Variants in TRIM44 observed in about 807,000 individuals in gnomAD.
The protein encoded by TRIM44 is tripartite motif containing 44.
TRIM44 carries 13 observed loss-of-function variants against 37.4 expected under a neutral mutation model. That is an observed-to-expected ratio of 0.35 (90% confidence interval 0.23 to 0.55). The LOEUF (loss-of-function observed/expected upper bound fraction) is 0.55, where lower values mean the gene tolerates loss of function less well. TRIM44 is among the 20% of genes least tolerant of loss of function. TRIM44 has a pLI of 0.89. For synonymous variants in TRIM44, 175 were observed against 157.2 expected, an observed-to-expected ratio of 1.11 and a Z score of -0.85; for missense variants, 426 against 437.2, an observed-to-expected ratio of 0.97 and a Z score of 0.23.
At chr11:35,691,602 A>G (rs1851636644) in intron 2 of TRIM44, among the ~76,000 whole-genome samples, 1 of 152,198 alleles carries the variant, frequency 6.6e-6, no homozygotes, top group Non-Finnish European at 1.5e-5. Context: ...CTATTTCATA[A>G]TAAAGTGTTG....
intron 4 of TRIM44, among the ~76,000 whole-genome samples, chr11:35,791,454 C>T (rs1042473210): frequency 1.3e-5 from 2 of 151,950 alleles, no homozygotes; most frequent in African/African-American, 2.4e-5. Flanking sequence ...CCCTTCTCAC[C>T]TCCTGTTCTT....
intron 2 of TRIM44, among the ~76,000 whole-genome samples, chr11:35,720,850 T>C (rs1218058905): frequency 3.3e-5 from 5 of 152,112 alleles, no homozygotes. Context: ...ATTTTTCAAA[T>C]GTTGAACCAG....
intron 2 of TRIM44, among the ~76,000 whole-genome samples, chr11:35,695,078 G>T (rs1050185937): frequency 2.6e-5 from 4 of 152,076 alleles, no homozygotes; most frequent in African/African-American, 9.7e-5. Context: ...CTGAAGCTTT[G>T]ATTGTTTTCC....
At chr11:35,786,927 G>A (rs1204436854) in intron 4 of TRIM44, among the ~76,000 whole-genome samples, 3 of 152,076 alleles carry the variant, frequency 2.0e-5, no homozygotes, top group African/African-American at 7.2e-5. Flanking sequence ...CAAGGTAGGA[G>A]GTGGGCTGAC....
intron 3 of TRIM44, among the ~76,000 whole-genome samples, chr11:35,734,518 C>T (rs1456950361): frequency 6.6e-6 from 1 of 152,100 alleles, no homozygotes; most frequent in Non-Finnish European, 1.5e-5. Context: ...ATTCATTCTC[C>T]GAGGAGTACA....
At chr11:35,763,939 T>C (rs1565008721) in intron 4 of TRIM44, among the ~76,000 whole-genome samples, 1 of 152,194 alleles carries the variant, frequency 6.6e-6, no homozygotes, top group Non-Finnish European at 1.5e-5. Context: ...GGCATCTTTA[T>C]ATGCTTCCAT....
chr11:35,670,363 A>G (rs1851380114), intron 1 of TRIM44, among the ~76,000 whole-genome samples: 1 of 152,210 alleles, frequency 6.6e-6, no homozygotes, highest in Non-Finnish European at 1.5e-5. Context: ...CTGTACCACG[A>G]TTCTATCCAG....
chr11:35,689,740 T>C (rs1417303044), intron 2 of TRIM44, among the ~76,000 whole-genome samples: 4 of 152,222 alleles, frequency 2.6e-5, no homozygotes, highest in Admixed American at 1.3e-4. Flanking sequence ...CAGTTATCTT[T>C]CACAGTTTAC....
chr11:35,734,845 C>T (rs543922602), intron 3 of TRIM44, among the ~76,000 whole-genome samples: 60 of 152,314 alleles, frequency 3.9e-4, no homozygotes, highest in African/African-American at 1.3e-3. Context: ...TAACCACTTA[C>T]GGAGGAGAAG....
intron 4 of TRIM44, among the ~76,000 whole-genome samples, chr11:35,739,200 A>G (rs1424225730): frequency 1.3e-5 from 2 of 152,332 alleles, no homozygotes; most frequent in Middle Eastern, 3.4e-3. Flanking sequence ...CATTATGTCC[A>G]AAGTGCTTTA....
intron 4 of TRIM44, among the ~76,000 whole-genome samples, chr11:35,735,715 A>G (rs548947828): frequency 7.6e-4 from 115 of 152,270 alleles, no homozygotes; most frequent in African/African-American, 2.6e-3. Context: ...ACTACATTTA[A>G]ATGGTAATGT....
intron 4 of TRIM44, among the ~76,000 whole-genome samples, chr11:35,761,126 C>T (rs1429964070): frequency 6.6e-6 from 1 of 152,142 alleles, no homozygotes. Flanking sequence ...GGCAGGATTT[C>T]CCTTTTTTTA....
At chr11:35,790,499 G>T (rs545584723) in intron 4 of TRIM44, among the ~76,000 whole-genome samples, 1 of 152,308 alleles carries the variant, frequency 6.6e-6, no homozygotes, top group South Asian at 2.1e-4. Context: ...ACATATAAAG[G>T]ATGGAAAGCT....
intron 2 of TRIM44, among the ~76,000 whole-genome samples, chr11:35,704,145 A>G (rs965578232): frequency 8.5e-5 from 13 of 152,330 alleles, no homozygotes; most frequent in African/African-American, 3.1e-4. Context: ...CGATCAACTG[A>G]AAGAAAGGGT....
At chr11:35,737,852 T>A (rs1852344589) in intron 4 of TRIM44, among the ~76,000 whole-genome samples, 1 of 152,004 alleles carries the variant, frequency 6.6e-6, no homozygotes, top group Admixed American at 6.6e-5. Context: ...AACAAAAAAT[T>A]GAAAAATAAG....
At chr11:35,792,338 A>G (rs1038137706) in intron 4 of TRIM44, among the ~76,000 whole-genome samples, 2 of 152,202 alleles carry the variant, frequency 1.3e-5, no homozygotes, top group East Asian at 3.8e-4. Context: ...ATGACTCCCC[A>G]TTTCACAGAT....
At chr11:35,679,696 AT>A (rs1851502937) in intron 1 of TRIM44, among the ~76,000 whole-genome samples, 2 of 152,146 alleles carry the variant, frequency 1.3e-5, no homozygotes, top group African/African-American at 2.4e-5. Context: ...AGAAATCTTT[AT>A]TTTTATGTCA....
chr11:35,681,247 G>T (rs1200239485), intron 1 of TRIM44, among the ~76,000 whole-genome samples: 1 of 152,122 alleles, frequency 6.6e-6, no homozygotes, highest in Non-Finnish European at 1.5e-5. Context: ...ATTTTTTTCA[G>T]CTGTAAAGTG....
At chr11:35,675,185 G>C (rs1306987934) in intron 1 of TRIM44, among the ~76,000 whole-genome samples, 1 of 152,210 alleles carries the variant, frequency 6.6e-6, no homozygotes, top group Non-Finnish European at 1.5e-5. Flanking sequence ...CATGAAGTAT[G>C]TGATAGGAAG....
Sources: gnomAD v4.1 joint callset for allele counts (sites outside exome capture counted in the v4.1 genomes callset) on GRCh38, gnomAD v4.1.1 for gene constraint, MANE v1.5 for transcripts, NCBI Gene and HGNC (gene_info 2026-07-23, HGNC 2026-07-21) for gene names.